The following SEPTIN3 variants were observed in gnomAD, a reference collection of about 807,000 sequenced individuals.
The protein encoded by SEPTIN3 is neuronal-specific septin-3.
A neutral mutation model predicts 45.1 loss-of-function variants in SEPTIN3; 15 were observed. The observed-to-expected ratio is 0.33, with a 90% CI of 0.22 to 0.51. The LOEUF (loss-of-function observed/expected upper bound fraction) is 0.51. SEPTIN3 is among the 20% of genes least tolerant of loss of function. The probability of loss-of-function intolerance (pLI) is 0.97; values close to 1 mark genes in which losing one functional copy is unlikely to be tolerated. For synonymous variants in SEPTIN3, 148 were observed against 164.8 expected, an observed-to-expected ratio of 0.90 and a Z score of 0.78; for missense variants, 289 against 457.2, an observed-to-expected ratio of 0.63 and a Z score of 3.35.
intron 2 of SEPTIN3, among the ~76,000 whole-genome samples, chr22:41,981,089 C>G (rs1361402421): frequency 1.3e-5 from 2 of 152,206 alleles, no homozygotes; most frequent in Admixed American, 6.5e-5. Context: ...CCTAAAAAGT[C>G]TTTGCCCTTT....
intron 8 of SEPTIN3, 52 bp downstream of exon 8, chr22:41,991,720 G>A: frequency 8.4e-7 from 1 of 1,187,908 alleles, no homozygotes; most frequent in South Asian, 1.2e-5. Context: ...CGACCTCTGG[G>A]ATGTGTATTG....
chr22:41,992,631 CAT>C (rs924160067), intron 8 of SEPTIN3, 31 bp from the exon 9 acceptor site: 19 of 1,446,106 alleles, frequency 1.3e-5, no homozygotes, highest in Admixed American at 7.7e-5. Context: ...TGACGGTGCA[CAT>C]GTGTCTGGTT....
Position 41,991,570 on chromosome 22 carries a change from T to C in SEPTIN3, c.2164-3T>C. ...CTACCTTGTTTCTTCTCCTCGCCTCTAGGTTCGCAAGGAGCTTGAAGTAAA... is the reference window on the plus strand; with the variant it reads ...CTACCTTGTTTCTTCTCCTCGCCTCCAGGTTCGCAAGGAGCTTGAAGTAAA... On this transcript the variant is annotated splice_region_variant and splice_polypyrimidine_tract_variant and intron_variant, in intron 7 of 11. Transcript: ENST00000644076. The C allele has an allele frequency of 6.2e-7, 1 of 1,606,672 alleles. No homozygotes were observed. The highest frequency in any genetic ancestry group is 1.7e-4 in the Middle Eastern group (1 of 6,056).
At chr22:41,996,643 A>G in intron 11 of SEPTIN3, 1 of 1,290,558 alleles carries the variant, frequency 7.7e-7, no homozygotes, top group Non-Finnish European at 9.8e-7. Flanking sequence ...AGGACAGAAC[A>G]GCAGCAGCGC....
intron 2 of SEPTIN3, among the ~76,000 whole-genome samples, chr22:41,974,621 C>A (rs1397261705): frequency 6.7e-6 from 1 of 149,804 alleles, no homozygotes; most frequent in Non-Finnish European, 1.5e-5. Context: ...CGAGATTGCG[C>A]CACTGCAATC....
Position 41,991,486 on chromosome 22 carries a change from G to A in SEPTIN3, c.2164-87G>A, listed in dbSNP as rs532366924. 114 of 945,520 alleles carry A rather than the reference G, an allele frequency of 1.2e-4. No homozygotes were observed. The African/African-American group carries it at 1.5e-3, about 13-fold the overall frequency. The allele number at this position is 945,520 out of a possible 1,614,324, so 58.6% of individuals were successfully genotyped here. A position where few individuals can be genotyped will look rare whatever the true frequency, so the allele number is the denominator to read the frequency against. The stretch of plus-strand genomic sequence containing the variant: ...TATCCAAGGCTGGATTTGGCTCTCT[G>A]ACCTCAGCTCACGCACACAGGTGCA... On this transcript the variant is annotated intron_variant, in intron 7 of 11. Transcript: ENST00000644076.
chr22:41,991,878 C>G (rs1242032393), intron 8 of SEPTIN3, among the ~76,000 whole-genome samples: 1 of 152,158 alleles, frequency 6.6e-6, no homozygotes, highest in Admixed American at 6.6e-5. Context: ...AGCCTTCTAT[C>G]CCCAGACCAC....
Position 41,989,683 on chromosome 22 carries a change from G to C in SEPTIN3, c.2162G>C (p.Arg721Thr), listed in dbSNP as rs2078271562. Reference sequence around the variant, plus strand: ...GAGGAGAAGTCTGAATTCAAGCAAAGGGTGAGAAGGCCCCCTGTCTTCTTT... The same window carrying C: ...GAGGAGAAGTCTGAATTCAAGCAAACGGTGAGAAGGCCCCCTGTCTTCTTT... ...TLEEKSEFKQ[R>T]VRKELEVNGI... Residue 721 changes from arginine (R) to threonine (T), a missense_variant and splice_region_variant, in exon 7 of 12, where the codon AGG (arginine) becomes ACG (threonine). Transcript: ENST00000644076. 1.3e-6 allele frequency: 2 copies of C among 1,578,136 alleles called. No individual in the cohort carries two copies. Among genetic ancestry groups the C allele is most frequent in the Non-Finnish European group, 8.7e-7 (1 of 1,147,472 alleles).
At chr22:41,988,987 A>G (rs1445126281) in intron 6 of SEPTIN3, among the ~76,000 whole-genome samples, 3 of 152,070 alleles carry the variant, frequency 2.0e-5, no homozygotes, top group African/African-American at 7.2e-5. Context: ...TTAGCCAGAC[A>G]TGGTAGTGCG....
chr22:41,995,077 C>T, intron 11 of SEPTIN3: 1 of 1,123,172 alleles, frequency 8.9e-7, no homozygotes, highest in Non-Finnish European at 1.1e-6. Flanking sequence ...GTTTGCCTCA[C>T]TCAGGAGATC....
Position 41,981,689 on chromosome 22 carries a change from C to A in SEPTIN3, c.1549C>A (p.Pro517Thr). The change falls in exon 3 of 12, where the codon CCT (proline) becomes ACT (threonine). Residue 517 changes from proline to threonine, a missense_variant. By Grantham distance (38) the Pro-to-Thr change is conservative. Coordinates refer to ENST00000644076, the MANE Select transcript of SEPTIN3 (RefSeq NM_001363845.2). Reference sequence around the variant, plus strand: ...GGACGCAGCCATGTCAGAGCTGGTGCCTGAGCCCAGGCCTAAGCCAGCGGT... The same window carrying A: ...GGACGCAGCCATGTCAGAGCTGGTGACTGAGCCCAGGCCTAAGCCAGCGGT... Reference protein sequence around the residue: ...RTDAAMSELVPEPRPKPAVPM... With the variant: ...RTDAAMSELVTEPRPKPAVPM... The A allele has an allele frequency of 1.2e-6, 2 of 1,613,930 alleles. No individual in the cohort carries two copies. Among genetic ancestry groups the A allele is most frequent in the Non-Finnish European group, 1.7e-6 (2 of 1,180,006 alleles).
Position 41,985,970 on chromosome 22 carries a change from C to A in SEPTIN3, c.1697-14C>A. 1 of 1,597,926 alleles carries A rather than the reference C, an allele frequency of 6.3e-7. No homozygotes were observed. The highest frequency in any genetic ancestry group is 2.3e-5 in the East Asian group (1 of 44,222). On this transcript the variant is annotated splice_polypyrimidine_tract_variant and intron_variant, in intron 3 of 11. Coordinates refer to ENST00000644076, the MANE Select transcript of SEPTIN3 (RefSeq NM_001363845.2). ...TGCAGAGTCTCCCTACCTCCTCCTCCTGCTTTGCTGTAGGCCAGAGTGGAC... is the reference window on the plus strand; with the variant it reads ...TGCAGAGTCTCCCTACCTCCTCCTCATGCTTTGCTGTAGGCCAGAGTGGAC...
In SEPTIN3 at chr22:41,994,949, G is replaced by A. The variant is rs2078404079; in HGVS notation, c.2505+235G>A. 32 of 1,427,086 alleles carry A rather than the reference G, an allele frequency of 2.2e-5. 1 individual carries two copies. The South Asian group carries it at 3.8e-4, about 17-fold the overall frequency. 88.4% of individuals were successfully genotyped at this position (1,427,086 alleles called of 1,614,324 possible). On this transcript the variant is annotated intron_variant, in intron 11 of 11. Transcript: ENST00000644076. This position sits in a 1 kb window ranked among gnomAD's most constrained non-coding sequence, Gnocchi z 4.2. ...ACAGAGAGAGAGCGAGAGAGCCTGT[G>A]TGTGTGCATGCAGGGGTGAGGTATT...
chr22:41,975,749 C>T (rs974375572), intron 2 of SEPTIN3, among the ~76,000 whole-genome samples: 2 of 152,176 alleles, frequency 1.3e-5, no homozygotes, highest in Admixed American at 1.3e-4. Flanking sequence ...TTTACCTCCT[C>T]AGTACTCAAC....
At chr22:41,993,174 T>C (rs1452848907) in intron 9 of SEPTIN3, among the ~76,000 whole-genome samples, 1 of 152,234 alleles carries the variant, frequency 6.6e-6, no homozygotes, top group Non-Finnish European at 1.5e-5. Flanking sequence ...AAGAATCACT[T>C]TAATGATTTC....
At position 41,972,891 on chromosome 22, in the gene SEPTIN3, C is replaced by T. The variant is rs2077973309; in HGVS notation, c.1399C>T (p.Leu467=). The change falls in exon 2 of 12, where the codon CTG becomes TTG. Residue 467 remains leucine, a synonymous_variant. Transcript: ENST00000644076. ...AACCATATCAGACGTTGCTACATGCCTGCTAATGCCAAGCAGATCCACAGA... is the reference window on the plus strand; with the variant it reads ...AACCATATCAGACGTTGCTACATGCTTGCTAATGCCAAGCAGATCCACAGA... ...NLTISDVATC[L]LMPSRSTDLA... is the part of the protein sequence containing the mutation. 1 of 399,144 alleles carries T rather than the reference C, an allele frequency of 2.5e-6. No homozygotes were observed. The highest frequency in any genetic ancestry group is 4.4e-5 in the Admixed American group (1 of 22,716). The allele number at this position is 399,144 out of a possible 1,614,324, so 24.7% of individuals were successfully genotyped here.
chr22:41,992,583 A>AT lies in SEPTIN3; in HGVS notation c.2260-80dup, dbSNP rs2078335857. The AT allele has an allele frequency of 4.7e-6, 4 of 852,420 alleles. No homozygotes were observed. The East Asian group carries it at 7.8e-5, about 17-fold the overall frequency. The allele number at this position is 852,420 out of a possible 1,614,324, so 52.8% of individuals were successfully genotyped here. A position where few individuals can be genotyped will look rare whatever the true frequency, so the allele number is the denominator to read the frequency against. Reference sequence around the variant, plus strand: ...GTGTGGTTCAAGGCTAGAGGACCATATGCCATCCTGCTCCTGAAAGTCCAG... The same window carrying AT: ...GTGTGGTTCAAGGCTAGAGGACCATATTGCCATCCTGCTCCTGAAAGTCCAG... On this transcript the variant is annotated intron_variant, in intron 8 of 11. Transcript: ENST00000644076.
In SEPTIN3 at chr22:41,997,154, TCC is replaced by T; in HGVS notation, c.*189_*190del. ...CCATTTATCCAAACCACTCCTCTCC[TCC>T]CAGTGGAGTGGGGTTCTGCCAGTAC... On this transcript the variant is annotated 3_prime_UTR_variant, in exon 12 of 12. Coordinates refer to ENST00000644076, the MANE Select transcript of SEPTIN3 (RefSeq NM_001363845.2). 1 of 1,114,598 alleles carries T rather than the reference TCC, an allele frequency of 9.0e-7. No individual in the cohort carries two copies. The allele number at this position is 1,114,598 out of a possible 1,614,324, so 69.0% of individuals were successfully genotyped here. A position where few individuals can be genotyped will look rare whatever the true frequency, so the allele number is the denominator to read the frequency against.
chr22:41,995,490 T>C, intron 11 of SEPTIN3: 1 of 985,566 alleles, frequency 1.0e-6, no homozygotes, highest in Non-Finnish European at 1.2e-6. Context: ...GCTTCCGACT[T>C]TGTCTTCTTT....
Sources: allele counts gnomAD v4.1 joint callset (sites outside exome capture counted in the v4.1 genomes callset), GRCh38; gene constraint gnomAD v4.1.1; non-coding constraint Gnocchi (gnomAD v3.1); transcripts MANE v1.5; gene names NCBI Gene and HGNC (gene_info 2026-07-23, HGNC 2026-07-21).